GRID1: variants seen among roughly 807,000 people sequenced by gnomAD.
GRID1 encodes the protein glutamate ionotropic receptor delta type subunit 1.
A neutral mutation model predicts 98.0 loss-of-function variants in GRID1; 28 were observed. The ratio of observed to expected loss-of-function variants is 0.29; its 90% CI spans 0.21 to 0.39. GRID1 has a LOEUF of 0.39. Ranked by LOEUF, GRID1 falls within the 10% of genes least tolerant of loss-of-function variation. The pLI is 1.00. For missense variants in GRID1, 1,111 were observed against 1,340.5 expected (o/e 0.83, Z 2.67); for synonymous variants, 553 against 538.5 (o/e 1.03, Z -0.37).
intron 8 of GRID1, among the ~76,000 whole-genome samples, chr10:85,789,678 G>A (rs1417318520): frequency 1.3e-5 from 2 of 152,176 alleles, no homozygotes; most frequent in East Asian, 3.9e-4. Flanking sequence ...ACAGCTGAGA[G>A]GAAGGAACCA....
At chr10:86,020,968 GC>G (rs1292390985) in intron 4 of GRID1, among the ~76,000 whole-genome samples, 15 of 152,132 alleles carry the variant, frequency 9.9e-5, no homozygotes, top group Non-Finnish European at 1.5e-5. Flanking sequence ...AATATTAGCA[GC>G]CCCCCAGAAC....
intron 4 of GRID1, among the ~76,000 whole-genome samples, chr10:86,056,000 T>C (rs1300259362): frequency 6.6e-6 from 1 of 152,206 alleles, no homozygotes; most frequent in Non-Finnish European, 1.5e-5. Flanking sequence ...GGTATTTTGT[T>C]ATGGCACACT....
chr10:86,250,295 C>T (rs528633816), intron 2 of GRID1, among the ~76,000 whole-genome samples: 1 of 152,296 alleles, frequency 6.6e-6, no homozygotes, highest in African/African-American at 2.4e-5. Flanking sequence ...GGCTGAGGTA[C>T]CTCTCCAGCT....
At chr10:85,769,516 G>C (rs1227598732) in intron 8 of GRID1, among the ~76,000 whole-genome samples, 1 of 152,172 alleles carries the variant, frequency 6.6e-6, no homozygotes, top group Non-Finnish European at 1.5e-5. Flanking sequence ...CCGAAGCAGG[G>C]CGAGGCATTG....
chr10:86,219,382 G>A lies in GRID1; in HGVS notation c.236-12734C>T, dbSNP rs1446563604. On this transcript the variant is annotated intron_variant, in intron 2 of 15. Coordinates refer to ENST00000327946, the MANE Select transcript of GRID1 (RefSeq NM_017551.3). Reference sequence around the variant, plus strand: ...CAACTGCCCAATGGCCCTTAAACCAGGTATTTGGGCTACAGGTCCCTCTTC... The same window carrying A: ...CAACTGCCCAATGGCCCTTAAACCAAGTATTTGGGCTACAGGTCCCTCTTC... Among the ~76,000 whole-genome samples, 4 of 152,170 alleles carry A rather than the reference G, an allele frequency of 2.6e-5. No individual in the cohort carries two copies. In the East Asian group the frequency reaches 5.8e-4, roughly 22 times the overall value.
At chr10:85,685,831 C>T (rs190597536) in intron 12 of GRID1, among the ~76,000 whole-genome samples, 7 of 151,548 alleles carry the variant, frequency 4.6e-5, no homozygotes, top group Admixed American at 4.6e-4. Flanking sequence ...GAAAATGTAG[C>T]AGAAATAAAT....
chr10:85,736,387 A>G (rs758004924), intron 8 of GRID1, among the ~76,000 whole-genome samples: 2 of 152,194 alleles, frequency 1.3e-5, no homozygotes, highest in African/African-American at 2.4e-5. Context: ...AATATCCAAC[A>G]AGACAATGGA....
intron 2 of GRID1, among the ~76,000 whole-genome samples, chr10:86,321,958 G>C (rs1211808267): frequency 6.6e-6 from 1 of 152,014 alleles, no homozygotes; most frequent in Non-Finnish European, 1.5e-5. Context: ...CACGTCGAAA[G>C]AGGCACACCA....
At chr10:86,071,715 G>A (rs1843807355) in intron 4 of GRID1, among the ~76,000 whole-genome samples, 2 of 152,140 alleles carry the variant, frequency 1.3e-5, no homozygotes, top group South Asian at 4.2e-4. Context: ...TGGTGGGGAG[G>A]TGGGGCAAGT....
intron 2 of GRID1, among the ~76,000 whole-genome samples, chr10:86,318,823 C>T (rs1487443265): frequency 6.6e-6 from 1 of 152,224 alleles, no homozygotes; most frequent in Non-Finnish European, 1.5e-5. Context: ...GAGAACCAGA[C>T]TTAGAACCTG....
At position 85,619,944 on chromosome 10, in the gene GRID1, G is replaced by A. The variant is rs112935027; in HGVS notation, c.2283C>T (p.Ile761=). ...LTDDDCSVTV[I]GNSISSKGYG... ...AACCCTTGCTGCTGATGCTGTTGCC[G>A]ATGACAGTCACCGAGCAGTCGTCAT... The change falls in exon 14 of 16, where the codon ATC becomes ATT. Residue 761 remains isoleucine (I), a synonymous_variant. Transcript: ENST00000327946. 2.4e-5 allele frequency: 38 copies of A among 1,614,068 alleles called. 1 individual carries two copies. In the African/African-American group the frequency reaches 2.7e-4, roughly 11 times the overall value.
At chr10:86,046,071 T>C (rs1041491636) in intron 4 of GRID1, among the ~76,000 whole-genome samples, 19 of 152,084 alleles carry the variant, frequency 1.2e-4, no homozygotes, top group Non-Finnish European at 2.5e-4. Context: ...GGCAGAAGCA[T>C]GCTTTTCATA....
intron 4 of GRID1, among the ~76,000 whole-genome samples, chr10:85,939,895 A>G (rs935875582): frequency 4.0e-5 from 6 of 151,878 alleles, no homozygotes; most frequent in African/African-American, 9.7e-5. Context: ...GTGAAATCCC[A>G]TCTCTACTAA....
chr10:86,295,294 A>G (rs1019883958), intron 2 of GRID1, among the ~76,000 whole-genome samples: 2 of 152,304 alleles, frequency 1.3e-5, no homozygotes, highest in Admixed American at 1.3e-4. Context: ...AGGAAACTTG[A>G]TGATGAAGGA....
In GRID1 at chr10:85,955,467, C is replaced by A. The variant is rs573301724; in HGVS notation, c.727-39228G>T. 4.6e-4 allele frequency among the ~76,000 whole-genome samples: 70 copies of A among 152,222 alleles called. 1 individual carries two copies. In the South Asian group the frequency reaches 0.014, roughly 31 times the overall value. ...TGGTAGAGGGTCCAGCTGGCCTCTGCCCGGTCCCCTACCTAGGAGGGTCTC... is the reference window on the plus strand; with the variant it reads ...TGGTAGAGGGTCCAGCTGGCCTCTGACCGGTCCCCTACCTAGGAGGGTCTC... On this transcript the variant is annotated intron_variant, in intron 4 of 15. Coordinates refer to ENST00000327946, the MANE Select transcript of GRID1 (RefSeq NM_017551.3).
intron 2 of GRID1, among the ~76,000 whole-genome samples, chr10:86,324,582 G>T (rs1848017419): frequency 7.1e-6 from 1 of 140,360 alleles, no homozygotes; most frequent in Non-Finnish European, 1.6e-5. Flanking sequence ...CAGGGCCGCT[G>T]TTGAGAAAAC....
At chr10:85,937,674 G>A (rs1841944966) in intron 4 of GRID1, among the ~76,000 whole-genome samples, 1 of 152,184 alleles carries the variant, frequency 6.6e-6, no homozygotes, top group Non-Finnish European at 1.5e-5. Context: ...TTAGCCAGGG[G>A]CAATTTTACC....
chr10:86,304,343 G>T (rs1199572823), intron 2 of GRID1, among the ~76,000 whole-genome samples: 1 of 152,182 alleles, frequency 6.6e-6, no homozygotes, highest in Non-Finnish European at 1.5e-5. Flanking sequence ...TCCTCTTCCT[G>T]CCCCTGGACA....
chr10:85,729,374 T>C, intron 9 of GRID1, 139 bp downstream of exon 9: 1 of 535,444 alleles, frequency 1.9e-6, no homozygotes, highest in Non-Finnish European at 3.4e-6. Context: ...ATACAATTAT[T>C]TGAATGAAAG....
Sources: gnomAD v4.1 joint callset for allele counts (sites outside exome capture counted in the v4.1 genomes callset) on GRCh38, gnomAD v4.1.1 for gene constraint, MANE v1.5 for transcripts, NCBI Gene and HGNC (gene_info 2026-07-23, HGNC 2026-07-21) for gene names.